Variants in PCTP observed in about 807,000 individuals in gnomAD.
PCTP encodes the protein START domain-containing protein 2.
A neutral mutation model predicts 31.0 loss-of-function variants in PCTP; 27 were observed. The observed-to-expected ratio is 0.87, with a 90% CI of 0.64 to 1.20. PCTP has a LOEUF of 1.20. Ranked by LOEUF, PCTP falls within the 50% of genes most tolerant of loss-of-function variation. The pLI, the probability that PCTP is intolerant of heterozygous loss-of-function variation, is 0.00. For synonymous variants in PCTP, 108 were observed against 101.2 expected (o/e 1.07, Z -0.40); for missense variants, 287 against 268.2 (o/e 1.07, Z -0.49).
chr17:55,783,255 C>T (rs554228335), intron 2 of PCTP, among the ~76,000 whole-genome samples: 59 of 152,006 alleles, frequency 3.9e-4, no homozygotes, highest in East Asian at 3.9e-4. Flanking sequence ...ATACTAGCCC[C>T]GTAAAAGTCT....
chr17:55,803,408 C>T (rs530597193), intron 3 of PCTP, among the ~76,000 whole-genome samples: 6 of 152,312 alleles, frequency 3.9e-5, no homozygotes, highest in East Asian at 1.9e-4. Context: ...CCAAGACAAT[C>T]GTAAGCCAAA....
intron 1 of PCTP, among the ~76,000 whole-genome samples, chr17:55,764,516 T>C (rs774026392): frequency 2.0e-5 from 3 of 152,204 alleles, no homozygotes; most frequent in Admixed American, 6.5e-5. Flanking sequence ...ATAGACTAGT[T>C]TGATATTTGC....
chr17:55,836,139 T>C (rs1905768958), intron 5 of PCTP, among the ~76,000 whole-genome samples: 1 of 152,198 alleles, frequency 6.6e-6, no homozygotes, highest in African/African-American at 2.4e-5. Flanking sequence ...TTTCCCACCC[T>C]GAAGGAGAAG....
chr17:55,778,095 A>G (rs537472970), downstream of PCTP, among the ~76,000 whole-genome samples: 4 of 152,130 alleles, frequency 2.6e-5, no homozygotes, highest in East Asian at 7.7e-4. Context: ...GCTGTAATGA[A>G]TGGAGTTAAG....
Position 55,791,332 on chromosome 17 carries a change from G to T in PCTP, c.317+3678G>T, listed in dbSNP as rs1221340416. On this transcript the variant is annotated intron_variant, in intron 3 of 3. Coordinates refer to the PCTP transcript ENST00000572536. ...GATCTAATTAAACTAAAGAGCTTCT[G>T]CACAGCAAAAGAAACTACCATCAGA... 2.7e-5 allele frequency among the ~76,000 whole-genome samples: 4 copies of T among 149,096 alleles called. No homozygotes were observed. The East Asian group carries it at 7.9e-4, about 29-fold the overall frequency.
At chr17:55,799,555 G>C (rs1598005248) in intron 3 of PCTP, among the ~76,000 whole-genome samples, 1 of 151,644 alleles carries the variant, frequency 6.6e-6, no homozygotes, top group Admixed American at 6.6e-5. Flanking sequence ...TTTTAATTGG[G>C]GCATTTAGCC....
At chr17:55,780,878 AATG>A (rs1276722915), downstream of PCTP, among the ~76,000 whole-genome samples, 6 of 152,178 alleles carry the variant, frequency 3.9e-5, no homozygotes, top group South Asian at 2.1e-4. Flanking sequence ...ATGTCTGGGA[AATG>A]ATGAGAACTG....
chr17:55,813,413 A>G (rs112144012), intron 3 of PCTP, among the ~76,000 whole-genome samples: 2,370 of 152,220 alleles, frequency 0.016, 40 homozygotes, highest in South Asian at 0.056. Context: ...TTGGGATTAC[A>G]GGTGTGCACC....
chr17:55,842,124 T>C (rs1906003233), intron 5 of PCTP, among the ~76,000 whole-genome samples: 1 of 151,984 alleles, frequency 6.6e-6, no homozygotes, highest in Admixed American at 6.5e-5. Context: ...GAACTTTACA[T>C]TTTTGGGGTT....
intron 1 of PCTP, among the ~76,000 whole-genome samples, chr17:55,754,923 CCACACATATGTATA>C (rs915987207): frequency 6.6e-6 from 1 of 151,814 alleles, no homozygotes; most frequent in Admixed American, 6.6e-5. Context: ...ACACACGCCG[CCACACATATGTATA>C]CACACATATG....
At chr17:55,754,835 G>A (rs894743388) in intron 1 of PCTP, among the ~76,000 whole-genome samples, 2 of 152,162 alleles carry the variant, frequency 1.3e-5, no homozygotes, top group African/African-American at 4.8e-5. Flanking sequence ...ATAGAAACCT[G>A]TGTGCGCGCG....
chr17:55,845,922 GTGTGTA>G (rs1406232341), downstream of PCTP, among the ~76,000 whole-genome samples: 29 of 148,676 alleles, frequency 2.0e-4, no homozygotes, highest in African/African-American at 7.6e-4. Context: ...GTGTGTGTGT[GTGTGTA>G]TGTGTGTGTG....
At chr17:55,809,994 C>T (rs1279350594) in intron 3 of PCTP, among the ~76,000 whole-genome samples, 1 of 151,990 alleles carries the variant, frequency 6.6e-6, no homozygotes, top group Non-Finnish European at 1.5e-5. Flanking sequence ...ATACATAACA[C>T]TGTTCAAAGC....
chr17:55,830,880 G>A (rs1905573095), intron 5 of PCTP, among the ~76,000 whole-genome samples: 1 of 152,184 alleles, frequency 6.6e-6, no homozygotes, highest in Non-Finnish European at 1.5e-5. Flanking sequence ...CTGTGAGGCA[G>A]CAGTATAATA....
intron 3 of PCTP, among the ~76,000 whole-genome samples, chr17:55,808,858 C>G (rs1912659480): frequency 6.6e-6 from 1 of 152,220 alleles, no homozygotes; most frequent in African/African-American, 2.4e-5. Flanking sequence ...CCCTCAACCC[C>G]ACCCAGCATA....
At position 55,776,874 on chromosome 17, in the gene PCTP, T is replaced by C; in HGVS notation, c.*774T>C. On this transcript the variant is annotated 3_prime_UTR_variant, in exon 6 of 6. Transcript: ENST00000268896. ...GAAAGGCTGCCTGTACCTCTCAAGC[T>C]TTGCATTTTACTGGAAACTGAGGCG... The C allele has an allele frequency of 1.0e-6, 1 of 995,830 alleles. No homozygotes were observed. Among genetic ancestry groups the C allele is most frequent in the East Asian group, 1.1e-4 (1 of 9,360 alleles). 61.7% of individuals were successfully genotyped at this position (995,830 alleles called of 1,614,324 possible).
chr17:55,828,149 G>A (rs1905466490), intron 5 of PCTP, among the ~76,000 whole-genome samples: 1 of 152,178 alleles, frequency 6.6e-6, no homozygotes, highest in Admixed American at 6.5e-5. Flanking sequence ...GGAGCTGTAA[G>A]TTTCCTACGT....
At chr17:55,806,271 A>G (rs1912579456) in intron 3 of PCTP, among the ~76,000 whole-genome samples, 1 of 152,082 alleles carries the variant, frequency 6.6e-6, no homozygotes, top group Non-Finnish European at 1.5e-5. Context: ...CAGGAGAAGG[A>G]CTTTATGACA....
intron 1 of PCTP, among the ~76,000 whole-genome samples, chr17:55,759,874 A>T (rs1181503041): frequency 1.3e-5 from 2 of 152,224 alleles, no homozygotes; most frequent in Non-Finnish European, 2.9e-5. Flanking sequence ...CACATCTCAT[A>T]TGTAAATGCA....
Sources: allele counts gnomAD v4.1 joint callset (sites outside exome capture counted in the v4.1 genomes callset), GRCh38; gene constraint gnomAD v4.1.1; transcripts MANE v1.5; gene names NCBI Gene and HGNC (gene_info 2026-07-23, HGNC 2026-07-21).